The following PDE2A variants were observed in gnomAD, a reference collection of about 807,000 sequenced individuals.
PDE2A encodes the protein phosphodiesterase 2A.
A neutral mutation model predicts 133.6 loss-of-function variants in PDE2A; 53 were observed. The observed-to-expected ratio is 0.40, with a 90% CI of 0.32 to 0.50. PDE2A has a LOEUF of 0.50. Among genes scored for constraint, PDE2A ranks in the 20% least tolerant of loss-of-function variants. PDE2A has a pLI of 0.73. For synonymous variants in PDE2A, 491 were observed against 490.2 expected, an observed-to-expected ratio of 1.00 and a Z score of -0.02; for missense variants, 796 against 1,232.4, an observed-to-expected ratio of 0.65 and a Z score of 5.30.
intron 2 of PDE2A, among the ~76,000 whole-genome samples, chr11:72,619,915 A>C (rs975263034): frequency 1.3e-5 from 2 of 152,090 alleles, no homozygotes; most frequent in Non-Finnish European, 2.9e-5. Flanking sequence ...TGAGAAGATT[A>C]AGCTGAGCCA....
chr11:72,642,558 G>T, intron 1 of PDE2A: 1 of 240,874 alleles, frequency 4.2e-6, no homozygotes, highest in Non-Finnish European at 6.5e-6. Flanking sequence ...CTCTCGGCCC[G>T]TCGGATCCTC....
Position 72,597,670 on chromosome 11 carries a change from C to T in PDE2A, c.324-51G>A, listed in dbSNP as rs542906536. On this transcript the variant is annotated intron_variant, in intron 4 of 30. Transcript: ENST00000334456. This position sits in a 1 kb window ranked among gnomAD's most constrained non-coding sequence, Gnocchi z 4.6. ...TGAGAGCCCCCGACTCAGGGAGGAA[C>T]GAGGCCTGGCCTGGGAACACAGGAC... 9.8e-5 allele frequency: 123 copies of T among 1,258,966 alleles called. No individual in the cohort carries two copies. The highest frequency in any genetic ancestry group is 1.3e-4 in the Non-Finnish European group (112 of 871,450). The allele number at this position is 1,258,966 out of a possible 1,614,324, so 78.0% of individuals were successfully genotyped here. A position where few individuals can be genotyped will look rare whatever the true frequency, so the allele number is the denominator to read the frequency against.
intron 14 of PDE2A, 40 bp downstream of exon 14, chr11:72,586,030 C>A: frequency 8.4e-7 from 1 of 1,195,886 alleles, no homozygotes. Flanking sequence ...GAAAACTGAG[C>A]GAGTCGGTGC....
chr11:72,632,902 C>T (rs1858483925), intron 2 of PDE2A, among the ~76,000 whole-genome samples: 1 of 152,174 alleles, frequency 6.6e-6, no homozygotes, highest in Non-Finnish European at 1.5e-5. Context: ...CCCCTCCAGC[C>T]AATTTCAAGT....
At chr11:72,582,867 A>G (rs1855785514) in intron 20 of PDE2A, among the ~76,000 whole-genome samples, 1 of 152,210 alleles carries the variant, frequency 6.6e-6, no homozygotes, top group Admixed American at 6.5e-5. Context: ...CAGTAACTGT[A>G]GCAGTCCTCC....
At chr11:72,642,462 T>C in intron 1 of PDE2A, 136 bp from the exon 2 acceptor site, 1 of 984,754 alleles carries the variant, frequency 1.0e-6, no homozygotes, top group Non-Finnish European at 1.2e-6. Flanking sequence ...CGCCCGAGTG[T>C]CCGCCCCGGC....
intron 1 of PDE2A, among the ~76,000 whole-genome samples, chr11:72,672,351 T>C (rs1442397652): frequency 6.6e-6 from 1 of 152,090 alleles, no homozygotes; most frequent in Admixed American, 6.5e-5. Flanking sequence ...ACCCAGCTAA[T>C]TTTATTGTAT....
At chr11:72,583,860 C>A (rs937241621) in intron 19 of PDE2A, among the ~76,000 whole-genome samples, 1 of 151,822 alleles carries the variant, frequency 6.6e-6, no homozygotes, top group Non-Finnish European at 1.5e-5. Flanking sequence ...CAGGCCAGAG[C>A]GCCAGTAGGC....
chr11:72,605,528 G>A (rs1429639233), intron 3 of PDE2A, among the ~76,000 whole-genome samples: 1 of 152,216 alleles, frequency 6.6e-6, no homozygotes, highest in East Asian at 1.9e-4. Context: ...TTCAAGGACT[G>A]AGGGTGCAGA....
At chr11:72,594,203 A>T (rs1190017934) in intron 6 of PDE2A, among the ~76,000 whole-genome samples, 1 of 152,202 alleles carries the variant, frequency 6.6e-6, no homozygotes, top group East Asian at 1.9e-4. Flanking sequence ...GTGGATGGGT[A>T]GGTGGATCAG....
At position 72,597,227 on chromosome 11, in the gene PDE2A, C is replaced by T. The variant is rs1207688337; in HGVS notation, c.433+283G>A. ...CCACAGCCACGGGCCACTGAGCCCT[C>T]GCTTGTGCCAGGCCCCTAACATGCA... On this transcript the variant is annotated intron_variant, in intron 5 of 30. Coordinates refer to ENST00000334456, the MANE Select transcript of PDE2A (RefSeq NM_002599.5). This position sits in a 1 kb window ranked among gnomAD's most constrained non-coding sequence, Gnocchi z 4.6. 2.0e-5 allele frequency among the ~76,000 whole-genome samples: 3 copies of T among 152,234 alleles called. No homozygotes were observed. Among genetic ancestry groups the T allele is most frequent in the African/African-American group, 2.4e-5 (1 of 41,458 alleles).
rs1856909576 is a variant in PDE2A, at chr11:72,605,028, G to A, written c.323+110C>T. The A allele has an allele frequency of 2.4e-5, 15 of 612,696 alleles. No homozygotes were observed. The South Asian group carries it at 4.2e-4, about 17-fold the overall frequency. The allele number at this position is 612,696 out of a possible 1,614,324, so 38.0% of individuals were successfully genotyped here. A position where few individuals can be genotyped will look rare whatever the true frequency, so the allele number is the denominator to read the frequency against. On this transcript the variant is annotated intron_variant, in intron 4 of 30. Transcript: ENST00000334456. Reference sequence around the variant, plus strand: ...AGGAATCCCACCTGGCAGGGAGGCGGGGATCAATGTTGGAAGGGGAGGGTC... The same window carrying A: ...AGGAATCCCACCTGGCAGGGAGGCGAGGATCAATGTTGGAAGGGGAGGGTC...
At chr11:72,648,368 G>A (rs1320645673) in intron 1 of PDE2A, among the ~76,000 whole-genome samples, 1 of 152,214 alleles carries the variant, frequency 6.6e-6, no homozygotes, top group African/African-American at 2.4e-5. Context: ...TGTGGGGGTA[G>A]CCCTCACAGA....
At chr11:72,609,368 C>CT (rs1857105074) in intron 2 of PDE2A, among the ~76,000 whole-genome samples, 1 of 152,194 alleles carries the variant, frequency 6.6e-6, no homozygotes, top group South Asian at 2.1e-4. Flanking sequence ...CTGGGTCCCG[C>CT]TCACTTTCCC....
In PDE2A at chr11:72,599,884, G is replaced by A. The variant is rs150112122; in HGVS notation, c.324-2265C>T. On this transcript the variant is annotated intron_variant, in intron 4 of 30. Transcript: ENST00000334456. ...GGAGATGAGAGCTCTGCCAAAGGCA[G>A]GAAGAGCAGGCCCCAGCCCACTCAG... Among the ~76,000 whole-genome samples the A allele has an allele frequency of 3.9e-5, 6 of 152,346 alleles. No individual in the cohort carries two copies. The East Asian group carries it at 1.2e-3, about 29-fold the overall frequency.
intron 1 of PDE2A, 116 bp downstream of exon 1, chr11:72,674,021 G>A (rs1045737656): frequency 1.7e-5 from 18 of 1,035,142 alleles, no homozygotes; most frequent in African/African-American, 1.4e-4. Context: ...GAACAGGATC[G>A]ATCCTTCCAC....
At chr11:72,651,383 T>A (rs983450807) in intron 1 of PDE2A, among the ~76,000 whole-genome samples, 1 of 152,002 alleles carries the variant, frequency 6.6e-6, no homozygotes, top group Non-Finnish European at 1.5e-5. Flanking sequence ...CAGTTGGGGA[T>A]ACCAAGGACT....
intron 2 of PDE2A, among the ~76,000 whole-genome samples, chr11:72,618,685 C>G (rs1224985382): frequency 6.6e-6 from 1 of 152,216 alleles, no homozygotes; most frequent in Non-Finnish European, 1.5e-5. Context: ...GAAAGCCCAT[C>G]CAGTCTCATC....
At chr11:72,631,281 C>A in intron 2 of PDE2A, 1 of 615,112 alleles carries the variant, frequency 1.6e-6, no homozygotes, top group Non-Finnish European at 2.9e-6. Flanking sequence ...CTGCTCTCTC[C>A]CAAGACTCCC....
Sources: allele counts gnomAD v4.1 joint callset (sites outside exome capture counted in the v4.1 genomes callset), GRCh38; gene constraint gnomAD v4.1.1; non-coding constraint Gnocchi (gnomAD v3.1); transcripts MANE v1.5; gene names NCBI Gene and HGNC (gene_info 2026-07-23, HGNC 2026-07-21).